The following HIPK2 variants were observed in gnomAD, a reference collection of about 807,000 sequenced individuals.
The protein encoded by HIPK2 is homeodomain-interacting protein kinase 2.
A neutral mutation model predicts 113.7 loss-of-function variants in HIPK2; 27 were observed. The ratio of observed to expected loss-of-function variants is 0.24; its 90% CI spans 0.17 to 0.33. The LOEUF (loss-of-function observed/expected upper bound fraction) is 0.33, where lower values mean the gene tolerates loss of function less well. HIPK2 is among the 10% of genes least tolerant of loss of function. The pLI is 1.00. For synonymous variants in HIPK2, 631 were observed against 642.2 expected, an observed-to-expected ratio of 0.98 and a Z score of 0.26; for missense variants, 1,257 against 1,588.0, an observed-to-expected ratio of 0.79 and a Z score of 3.54.
chr7:139,707,089 G>A (rs1479340749), intron 2 of HIPK2, among the ~76,000 whole-genome samples: 2 of 152,206 alleles, frequency 1.3e-5, no homozygotes, highest in African/African-American at 2.4e-5. Flanking sequence ...TGGAGGCCTC[G>A]GGCAGGCTCC....
At chr7:139,656,098 TCTC>T (rs1201172208) in intron 2 of HIPK2, among the ~76,000 whole-genome samples, 2 of 152,006 alleles carry the variant, frequency 1.3e-5, no homozygotes, top group African/African-American at 4.8e-5. Flanking sequence ...CATTCTTCTC[TCTC>T]CTCTTCCTTC....
intron 1 of HIPK2, among the ~76,000 whole-genome samples, chr7:139,758,325 T>C (rs973279209): frequency 6.6e-6 from 1 of 152,116 alleles, no homozygotes; most frequent in African/African-American, 2.4e-5. Context: ...CCCAGACCTA[T>C]AGGAACTTAG....
In HIPK2 at chr7:139,572,183, G is replaced by A. The variant is rs977023813; in HGVS notation, c.*744C>T. The stretch of plus-strand genomic sequence containing the variant: ...CATTTGAGAAACAACGTTGCTTAGG[G>A]ATTTATCCAGAGTGCTCAGAAAAAG... On this transcript the variant is annotated 3_prime_UTR_variant, in exon 15 of 15. Coordinates refer to ENST00000406875, the MANE Select transcript of HIPK2 (RefSeq NM_022740.5). 1 of 152,212 alleles carries A rather than the reference G, an allele frequency of 6.6e-6. No homozygotes were observed. Among genetic ancestry groups the A allele is most frequent in the Non-Finnish European group, 1.5e-5 (1 of 68,038 alleles). 9.4% of individuals were successfully genotyped at this position (152,212 alleles called of 1,614,324 possible).
intron 1 of HIPK2, among the ~76,000 whole-genome samples, chr7:139,732,806 A>T: frequency 7.7e-6 from 1 of 129,976 alleles, no homozygotes; most frequent in Admixed American, 7.8e-5. Flanking sequence ...TATATATAAC[A>T]TATTATATAT....
intron 10 of HIPK2, 64 bp from the exon 11 acceptor site, chr7:139,600,660 G>T: frequency 6.5e-7 from 1 of 1,543,528 alleles, no homozygotes; most frequent in South Asian, 1.2e-5. Flanking sequence ...TCCTCTATAA[G>T]ATCAAGCTTC....
At chr7:139,669,836 G>A (rs1025070045) in intron 2 of HIPK2, among the ~76,000 whole-genome samples, 1 of 152,132 alleles carries the variant, frequency 6.6e-6, no homozygotes, top group African/African-American at 2.4e-5. Context: ...AATATAAAGA[G>A]CTATTGATGG....
chr7:139,594,538 A>G (rs959047286), intron 12 of HIPK2, among the ~76,000 whole-genome samples: 1 of 152,170 alleles, frequency 6.6e-6, no homozygotes, highest in African/African-American at 2.4e-5. Flanking sequence ...TAAAACAGCT[A>G]CTGGTTTCTG....
intron 2 of HIPK2, among the ~76,000 whole-genome samples, chr7:139,671,870 G>C (rs1802314945): frequency 6.6e-6 from 1 of 152,108 alleles, no homozygotes; most frequent in South Asian, 2.1e-4. Context: ...TTAATGAAGT[G>C]ACTTTAATGC....
chr7:139,677,624 G>A (rs374857625), intron 2 of HIPK2, among the ~76,000 whole-genome samples: 2 of 152,054 alleles, frequency 1.3e-5, no homozygotes, highest in East Asian at 1.9e-4. Flanking sequence ...TGTGCAGAAC[G>A]TGCAGGTTTG....
Position 139,716,680 on chromosome 7 carries a change from T to C in HIPK2, c.355A>G (p.Thr119Ala). 1 of 1,613,916 alleles carries C rather than the reference T, an allele frequency of 6.2e-7. No individual in the cohort carries two copies. Among genetic ancestry groups the C allele is most frequent in the South Asian group, 1.1e-5 (1 of 91,068 alleles). ...GGPHNLMRRS[T>A]VSLLDTYQKC... ...TGGTAGGTATCAAGGAGGCTCACAGTGCTTCGACGCATTAGGTTGTGTGGT... is the reference window on the plus strand; with the variant it reads ...TGGTAGGTATCAAGGAGGCTCACAGCGCTTCGACGCATTAGGTTGTGTGGT... Residue 119 changes from threonine (T) to alanine (A), a missense_variant, in exon 2 of 15, where the codon ACT (threonine) becomes GCT (alanine). Thr to Ala is a moderately conservative substitution (Grantham distance 58). This residue lies in a region of HIPK2 where 209 missense variants were observed against 237.8 expected (regional missense o/e 0.88). Coordinates refer to ENST00000406875, the MANE Select transcript of HIPK2 (RefSeq NM_022740.5). This position sits in a 1 kb window ranked among gnomAD's most constrained non-coding sequence, Gnocchi z 9.3.
At chr7:139,675,670 T>C (rs527707860) in intron 2 of HIPK2, among the ~76,000 whole-genome samples, 1 of 152,278 alleles carries the variant, frequency 6.6e-6, no homozygotes, top group East Asian at 1.9e-4. Context: ...GAGTTATATG[T>C]TTGTGCAAAG....
intron 6 of HIPK2, 106 bp downstream of exon 6, chr7:139,626,495 G>T (rs1269035541): frequency 8.7e-7 from 1 of 1,153,026 alleles, no homozygotes; most frequent in Non-Finnish European, 1.2e-6. Flanking sequence ...AGTGACAGCT[G>T]AGTAGTTGTT....
chr7:139,663,032 A>G (rs997579685), intron 2 of HIPK2, among the ~76,000 whole-genome samples: 9 of 152,040 alleles, frequency 5.9e-5, no homozygotes, highest in Admixed American at 5.9e-4. Context: ...CCCACTGGCC[A>G]CCATGGCCTC....
In HIPK2 at chr7:139,690,675, A is replaced by T. The variant is rs142015451; in HGVS notation, c.1103+25257T>A. 2.0e-3 allele frequency among the ~76,000 whole-genome samples: 308 copies of T among 152,220 alleles called. 1 individual carries two copies. The highest frequency in any genetic ancestry group is 3.9e-3 in the Non-Finnish European group (263 of 68,014). ...AAAATAGAAATAAATTTTAAAAATA[A>T]AATAAAATAAATACAAATTTAAAGA... is the stretch of plus-strand genomic sequence containing the variant. On this transcript the variant is annotated intron_variant, in intron 2 of 14. Coordinates refer to ENST00000406875, the MANE Select transcript of HIPK2 (RefSeq NM_022740.5).
At chr7:139,738,028 G>A (rs575425282) in intron 1 of HIPK2, among the ~76,000 whole-genome samples, 1 of 152,316 alleles carries the variant, frequency 6.6e-6, no homozygotes, top group East Asian at 1.9e-4. Context: ...GAAAGGATTC[G>A]AGTTTATGGA....
At chr7:139,701,274 C>T (rs1325646775) in intron 2 of HIPK2, among the ~76,000 whole-genome samples, 1 of 152,174 alleles carries the variant, frequency 6.6e-6, no homozygotes, top group Non-Finnish European at 1.5e-5. Flanking sequence ...ACCTTAGAAA[C>T]ACAAACAGAT....
At chr7:139,727,879 A>C (rs964133711) in intron 1 of HIPK2, among the ~76,000 whole-genome samples, 1 of 152,180 alleles carries the variant, frequency 6.6e-6, no homozygotes, top group Admixed American at 6.5e-5. Context: ...GGGATCAATG[A>C]AAAGAAAATA....
chr7:139,686,598 TCTC>T (rs770045421), intron 2 of HIPK2, among the ~76,000 whole-genome samples: 1 of 152,158 alleles, frequency 6.6e-6, no homozygotes, highest in Non-Finnish European at 1.5e-5. Context: ...GCTCTGTACT[TCTC>T]CTTGCTGCTG....
intron 1 of HIPK2, among the ~76,000 whole-genome samples, chr7:139,733,577 A>G (rs1290134610): frequency 1.3e-5 from 2 of 152,248 alleles, no homozygotes; most frequent in Non-Finnish European, 1.5e-5. Flanking sequence ...AATTAAAAAT[A>G]ATCTATGTTT....
Sources: allele counts gnomAD v4.1 joint callset (sites outside exome capture counted in the v4.1 genomes callset), GRCh38; gene constraint gnomAD v4.1.1; regional missense constraint gnomAD v4.1.1; non-coding constraint Gnocchi (gnomAD v3.1); transcripts MANE v1.5; gene names NCBI Gene and HGNC (gene_info 2026-07-23, HGNC 2026-07-21).